Variants in ULK2 observed in about 807,000 individuals in gnomAD.
ULK2 encodes unc-51 like autophagy activating kinase 2.
In ULK2, 76 loss-of-function variants were observed where a neutral mutation model predicts 127.5. The ratio of observed to expected loss-of-function variants is 0.60; its 90% CI spans 0.50 to 0.72. ULK2 has a LOEUF of 0.72. Among genes scored for constraint, ULK2 ranks in the 30% least tolerant of loss-of-function variants. The pLI, the probability that ULK2 is intolerant of heterozygous loss-of-function variation, is 0.00. For missense variants in ULK2, 1,144 were observed against 1,295.9 expected, an observed-to-expected ratio of 0.88 and a Z score of 1.80; for synonymous variants, 452 against 461.9, an observed-to-expected ratio of 0.98 and a Z score of 0.28.
intron 9 of ULK2, among the ~76,000 whole-genome samples, chr17:19,839,493 C>T (rs868378515): frequency 3.3e-5 from 5 of 151,242 alleles, no homozygotes; most frequent in Admixed American, 6.6e-5. Flanking sequence ...GGTGAAATCC[C>T]GTCTCCACTA....
chr17:19,810,948 AGTT>A (rs1597746573), intron 13 of ULK2: 1 of 152,370 alleles, frequency 6.6e-6, no homozygotes, highest in East Asian at 1.9e-4. Context: ...GTCTTGCATG[AGTT>A]GTTGAACAAG....
Position 19,775,153 on chromosome 17 carries a change from A to C in ULK2, c.*1196T>G, listed in dbSNP as rs1220980841. 1 of 152,646 alleles carries C rather than the reference A, an allele frequency of 6.6e-6. No homozygotes were observed. The highest frequency in any genetic ancestry group is 6.5e-5 in the Admixed American group (1 of 15,280). The allele number at this position is 152,646 out of a possible 1,614,324, so 9.5% of individuals were successfully genotyped here. On this transcript the variant is annotated 3_prime_UTR_variant, in exon 27 of 27. Coordinates refer to ENST00000395544, the MANE Select transcript of ULK2 (RefSeq NM_014683.4). ...TCAAGTATTCAAGCAGGTAAGTAAA[A>C]GAAACCAAGTAATACACAACGTAGG...
chr17:19,773,619 G>A lies in ULK2; in HGVS notation c.*2730C>T, dbSNP rs2086766780. ...GGAGAGAAGCTGTTGCAAATGCTGA[G>A]TGGAGAGGAGAAAGCCTCAGCAGAG... On this transcript the variant is annotated 3_prime_UTR_variant, in exon 27 of 27. Coordinates refer to ENST00000395544, the MANE Select transcript of ULK2 (RefSeq NM_014683.4). 6.6e-6 allele frequency: 1 copy of A among 152,266 alleles called. No homozygotes were observed. 9.4% of individuals were successfully genotyped at this position (152,266 alleles called of 1,614,324 possible).
chr17:19,792,343 A>C (rs921555379), intron 20 of ULK2, among the ~76,000 whole-genome samples: 2 of 152,242 alleles, frequency 1.3e-5, no homozygotes, highest in African/African-American at 4.8e-5. Flanking sequence ...CTAAGAAAAG[A>C]GGAAACAAGA....
At chr17:19,858,985 AAG>A (rs2042187809) in intron 3 of ULK2, among the ~76,000 whole-genome samples, 2 of 152,062 alleles carry the variant, frequency 1.3e-5, no homozygotes, top group Non-Finnish European at 2.9e-5. Flanking sequence ...AAAAGAAAGA[AAG>A]AAAGAAAAGT....
At chr17:19,821,261 C>G (rs530196314) in intron 12 of ULK2, among the ~76,000 whole-genome samples, 1 of 152,090 alleles carries the variant, frequency 6.6e-6, no homozygotes, top group Non-Finnish European at 1.5e-5. Flanking sequence ...GAGCCGAGAT[C>G]GCGCCACTGC....
At chr17:19,853,202 T>C (rs1277374559) in intron 3 of ULK2, among the ~76,000 whole-genome samples, 1 of 151,788 alleles carries the variant, frequency 6.6e-6, no homozygotes, top group East Asian at 1.9e-4. Context: ...TGGTGTGATG[T>C]TGGCTCACTG....
At position 19,846,804 on chromosome 17, in the gene ULK2, T is replaced by C; in HGVS notation, c.402A>G (p.Pro134=). ...TGGCATAGGACAGCAAGATGTTCTG[T>C]GGTTTGAGATCTCTGTGGATGATTC... ...SKGIIHRDLK[P]QNILLSYANR... is the part of the protein sequence containing the mutation. Residue 134 remains proline (P), a synonymous_variant, in exon 6 of 27, where the codon CCA becomes CCG. Transcript: ENST00000395544. 1.2e-6 allele frequency: 2 copies of C among 1,613,956 alleles called. No individual in the cohort carries two copies. The highest frequency in any genetic ancestry group is 2.2e-5 in the East Asian group (1 of 44,876).
At chr17:19,842,198 T>C (rs1010548940) in intron 8 of ULK2, among the ~76,000 whole-genome samples, 1 of 144,934 alleles carries the variant, frequency 6.9e-6, no homozygotes, top group African/African-American at 2.6e-5. Flanking sequence ...TTCTTTTTTT[T>C]TTTTTTTTTT....
At chr17:19,832,598 C>T (rs112406545) in intron 10 of ULK2, among the ~76,000 whole-genome samples, 2,862 of 152,222 alleles carry the variant, frequency 0.019, 46 homozygotes, top group Non-Finnish European at 0.029. Flanking sequence ...CCAAGCCACA[C>T]ACAGATCTAT....
At chr17:19,799,410 G>A (rs567711001) in intron 17 of ULK2, 85 bp downstream of exon 17, 7 of 1,169,544 alleles carry the variant, frequency 6.0e-6, no homozygotes, top group Non-Finnish European at 8.1e-6. Context: ...TATCAATTCT[G>A]TTCTTTGATA....
Position 19,781,529 on chromosome 17 carries a change from G to A in ULK2, c.2639+360C>T, listed in dbSNP as rs141597339. Reference sequence around the variant, plus strand: ...TCCCAAAGTGCTGGAATTACATATAGGCATAAGCTACTGCGACCAGCCCTC... The same window carrying A: ...TCCCAAAGTGCTGGAATTACATATAAGCATAAGCTACTGCGACCAGCCCTC... On this transcript the variant is annotated intron_variant, in intron 23 of 26. Coordinates refer to ENST00000395544, the MANE Select transcript of ULK2 (RefSeq NM_014683.4). Among the ~76,000 whole-genome samples, 144 of 152,096 alleles carry A rather than the reference G, an allele frequency of 9.5e-4. 1 individual carries two copies. Among genetic ancestry groups the A allele is most frequent in the Non-Finnish European group, 3.2e-4 (22 of 67,974 alleles).
intron 3 of ULK2, among the ~76,000 whole-genome samples, chr17:19,853,572 C>T (rs1015785182): frequency 1.4e-5 from 2 of 148,008 alleles, no homozygotes; most frequent in African/African-American, 5.1e-5. Flanking sequence ...TCGGCCCCAC[C>T]TTCTTTTTTT....
intron 10 of ULK2, among the ~76,000 whole-genome samples, chr17:19,828,468 A>G (rs757343529): frequency 8.5e-5 from 13 of 152,226 alleles, no homozygotes; most frequent in Admixed American, 2.6e-4. Context: ...TGATATCAAC[A>G]TAAAGGGGGT....
At position 19,773,453 on chromosome 17, in the gene ULK2, T is replaced by C. The variant is rs914858260; in HGVS notation, c.*2896A>G. On this transcript the variant is annotated 3_prime_UTR_variant, in exon 27 of 27. Coordinates refer to ENST00000395544, the MANE Select transcript of ULK2 (RefSeq NM_014683.4). The stretch of plus-strand genomic sequence containing the variant: ...GAGGGCAGAACTGCTGGGCTGGTAA[T>C]TCCTCTTGGTGGAGACAAAGGAACA... 2.6e-5 allele frequency: 4 copies of C among 152,176 alleles called. No homozygotes were observed. Among genetic ancestry groups the C allele is most frequent in the Admixed American group, 6.5e-5 (1 of 15,276 alleles). The allele number at this position is 152,176 out of a possible 1,614,324, so 9.4% of individuals were successfully genotyped here.
chr17:19,814,651 A>G (rs530199707), intron 13 of ULK2, among the ~76,000 whole-genome samples: 7 of 151,434 alleles, frequency 4.6e-5, no homozygotes, highest in African/African-American at 1.7e-4. Context: ...GGTTCATGCG[A>G]TCCTCCCACT....
chr17:19,810,919 C>T (rs1039583382), intron 13 of ULK2: 21 of 152,438 alleles, frequency 1.4e-4, no homozygotes, highest in African/African-American at 5.1e-4. Flanking sequence ...CCCCATCCTC[C>T]TGCATAACAC....
chr17:19,814,417 T>C (rs1454203387), intron 13 of ULK2, among the ~76,000 whole-genome samples: 282 of 19,408 alleles, frequency 0.015, 7 homozygotes, highest in African/African-American at 0.066. Flanking sequence ...TATACATATA[T>C]ATATATATAT....
intron 15 of ULK2, among the ~76,000 whole-genome samples, chr17:19,803,824 G>C (rs115070081): frequency 0.016 from 2,412 of 152,258 alleles, 56 homozygotes; most frequent in African/African-American, 0.055. Flanking sequence ...GGAGAGGCCT[G>C]TATATGTAGA....
Sources: gnomAD v4.1 joint callset for allele counts (sites outside exome capture counted in the v4.1 genomes callset) on GRCh38, gnomAD v4.1.1 for gene constraint, MANE v1.5 for transcripts, NCBI Gene and HGNC (gene_info 2026-07-23, HGNC 2026-07-21) for gene names.